Variants in CDH7 observed in about 807,000 individuals in gnomAD.
The protein encoded by CDH7 is cadherin 7.
CDH7 carries 25 observed loss-of-function variants against 71.8 expected under a neutral mutation model. The observed-to-expected ratio is 0.35, with a 90% confidence interval of 0.25 to 0.49. The LOEUF (loss-of-function observed/expected upper bound fraction) is 0.49, where lower values mean the gene tolerates loss of function less well. Among genes scored for constraint, CDH7 ranks in the 20% least tolerant of loss-of-function variants. The pLI is 0.99. For synonymous variants in CDH7, 381 were observed against 363.8 expected (o/e 1.05, Z -0.54); for missense variants, 862 against 974.6 (o/e 0.88, Z 1.54).
At chr18:65,767,111 T>A (rs1390352222) in intron 2 of CDH7, among the ~76,000 whole-genome samples, 2 of 146,084 alleles carry the variant, frequency 1.4e-5, no homozygotes, top group Non-Finnish European at 3.0e-5. Context: ...TTTTTTTGGC[T>A]ACTCCTCTTT....
At chr18:65,783,896 A>C (rs769295926) in intron 2 of CDH7, among the ~76,000 whole-genome samples, 1 of 152,126 alleles carries the variant, frequency 6.6e-6, no homozygotes, top group Non-Finnish European at 1.5e-5. Flanking sequence ...CTGTAGATAA[A>C]GCACATAAGA....
At chr18:65,812,254 T>C (rs1005442286) in intron 3 of CDH7, among the ~76,000 whole-genome samples, 1 of 151,962 alleles carries the variant, frequency 6.6e-6, no homozygotes, top group African/African-American at 2.4e-5. Flanking sequence ...GGTGTGTACC[T>C]GGCCCATATC....
At chr18:65,871,629 T>C (rs1039132060) in intron 11 of CDH7, among the ~76,000 whole-genome samples, 2 of 152,098 alleles carry the variant, frequency 1.3e-5, no homozygotes, top group African/African-American at 4.8e-5. Context: ...GTTTGGGTAT[T>C]TTCCTACTTG....
intron 2 of CDH7, among the ~76,000 whole-genome samples, chr18:65,799,460 G>C (rs1365693849): frequency 6.6e-6 from 1 of 151,992 alleles, no homozygotes; most frequent in East Asian, 1.9e-4. Flanking sequence ...GGCGGATCAC[G>C]AGGTCAGGAG....
chr18:65,864,659 C>T (rs903848577), intron 11 of CDH7, among the ~76,000 whole-genome samples: 17 of 151,598 alleles, frequency 1.1e-4, no homozygotes, highest in South Asian at 2.1e-4. Context: ...GAGGCTGAGG[C>T]GGGCGGATCA....
At chr18:65,848,404 G>A (rs1295805359) in intron 7 of CDH7, among the ~76,000 whole-genome samples, 3 of 152,144 alleles carry the variant, frequency 2.0e-5, no homozygotes, top group South Asian at 2.1e-4. Context: ...GCTCATAAAA[G>A]TTAAACAATA....
At chr18:65,826,477 TGGA>T (rs1028459136) in intron 6 of CDH7, among the ~76,000 whole-genome samples, 9 of 151,330 alleles carry the variant, frequency 5.9e-5, no homozygotes, top group African/African-American at 1.4e-4. Context: ...TGTAGTAATG[TGGA>T]GATGTTGTTT....
intron 7 of CDH7, among the ~76,000 whole-genome samples, chr18:65,855,420 A>G (rs549518582): frequency 1.3e-5 from 2 of 152,096 alleles, no homozygotes; most frequent in East Asian, 3.9e-4. Context: ...CCCCGCAAAC[A>G]TAAAATGCAG....
At chr18:65,761,436 A>G (rs1916189138) in intron 1 of CDH7, among the ~76,000 whole-genome samples, 1 of 152,044 alleles carries the variant, frequency 6.6e-6, no homozygotes, top group Non-Finnish European at 1.5e-5. Flanking sequence ...AGGGACAGGT[A>G]GAAAGACTGA....
intron 2 of CDH7, among the ~76,000 whole-genome samples, chr18:65,808,647 T>A (rs1244652561): frequency 1.3e-5 from 2 of 152,106 alleles, no homozygotes; most frequent in African/African-American, 4.8e-5. Flanking sequence ...CAGGGAAGGA[T>A]GAAAATGTAC....
chr18:65,806,304 C>T, intron 2 of CDH7, among the ~76,000 whole-genome samples: 1 of 149,376 alleles, frequency 6.7e-6, no homozygotes, highest in South Asian at 2.1e-4. Context: ...AAAAAAAAAT[C>T]TTTAAATAGT....
At chr18:65,870,241 A>G (rs1047410602) in intron 11 of CDH7, among the ~76,000 whole-genome samples, 1 of 152,164 alleles carries the variant, frequency 6.6e-6, no homozygotes, top group Admixed American at 6.6e-5. Flanking sequence ...ATCCTTTGCA[A>G]AAATAAAAGT....
intron 11 of CDH7, among the ~76,000 whole-genome samples, chr18:65,864,413 T>A (rs1462933904): frequency 6.6e-6 from 1 of 151,588 alleles, no homozygotes; most frequent in Non-Finnish European, 1.5e-5. Flanking sequence ...TTTTGTTTTT[T>A]TTTTTTGCTC....
intron 2 of CDH7, among the ~76,000 whole-genome samples, chr18:65,774,636 G>T (rs1198667518): frequency 6.6e-6 from 1 of 151,834 alleles, no homozygotes; most frequent in Non-Finnish European, 1.5e-5. Flanking sequence ...GGCCGTCATT[G>T]GGAGTGTCTA....
chr18:65,789,354 A>G (rs1258695057), intron 2 of CDH7, among the ~76,000 whole-genome samples: 3 of 152,204 alleles, frequency 2.0e-5, no homozygotes, highest in Non-Finnish European at 4.4e-5. Context: ...GAGAAAATAC[A>G]ATCTGTTTAG....
At chr18:65,806,044 C>G (rs750593746) in intron 2 of CDH7, among the ~76,000 whole-genome samples, 3 of 152,130 alleles carry the variant, frequency 2.0e-5, no homozygotes, top group African/African-American at 7.2e-5. Flanking sequence ...CTCTATCAAG[C>G]AGGGCCTGAT....
intron 2 of CDH7, among the ~76,000 whole-genome samples, chr18:65,808,578 G>A (rs1342407927): frequency 6.6e-6 from 1 of 152,192 alleles, no homozygotes; most frequent in African/African-American, 2.4e-5. Context: ...CCGTTACAGT[G>A]CAGGGAAAGA....
In CDH7 at chr18:65,762,649, A is replaced by G. The variant is rs1916225661; in HGVS notation, c.-194A>G. On this transcript the variant is annotated splice_region_variant and 5_prime_UTR_variant, in exon 2 of 12. Coordinates refer to ENST00000397968, the MANE Select transcript of CDH7 (RefSeq NM_004361.5). ...AGCTCTTCTCTTTGTTCTGATAGGT[A>G]CTTACTACACCATTCTTTGGCGAAG... The G allele has an allele frequency of 1.8e-6, 1 of 557,132 alleles. No individual in the cohort carries two copies. The highest frequency in any genetic ancestry group is 3.2e-6 in the Non-Finnish European group (1 of 313,090). 34.5% of individuals were successfully genotyped at this position (557,132 alleles called of 1,614,324 possible). A position where few individuals can be genotyped will look rare whatever the true frequency, so the allele number is the denominator to read the frequency against.
chr18:65,779,257 CTT>C lies in CDH7; in HGVS notation c.210+16222_210+16223del, dbSNP rs34051231. ...TGGAGCCATAAGAATAGAAAACATT[CTT>C]TTTTTTTTTTTTTTTTCAGTCATTA... On this transcript the variant is annotated intron_variant, in intron 2 of 11. Transcript: ENST00000397968. Among the ~76,000 whole-genome samples, 80 of 72,880 alleles carry C rather than the reference CTT, an allele frequency of 1.1e-3. 1 individual carries two copies. Among genetic ancestry groups the C allele is most frequent in the Middle Eastern group, 0.016 (1 of 62 alleles). 47.8% of individuals were successfully genotyped at this position (72,880 alleles called of 152,430 possible).
Sources: gnomAD v4.1 joint callset for allele counts (sites outside exome capture counted in the v4.1 genomes callset) on GRCh38, gnomAD v4.1.1 for gene constraint, MANE v1.5 for transcripts, NCBI Gene and HGNC (gene_info 2026-07-23, HGNC 2026-07-21) for gene names.